Variants in TMEM120B observed in about 807,000 individuals in gnomAD.
The protein encoded by TMEM120B is transmembrane protein 120B.
Under a neutral mutation model 55.5 loss-of-function variants are expected in TMEM120B, and 31 were observed. The ratio of observed to expected loss-of-function variants is 0.56; its 90% CI spans 0.42 to 0.75. TMEM120B has a LOEUF of 0.75. Ranked by LOEUF, TMEM120B falls within the 30% of genes least tolerant of loss-of-function variation. TMEM120B has a pLI of 0.00. For missense variants in TMEM120B, 399 were observed against 425.5 expected (o/e 0.94, Z 0.55); for synonymous variants, 203 against 176.3 (o/e 1.15, Z -1.20).
chr12:121,718,717 T>C (rs1894744583), intron 1 of TMEM120B, among the ~76,000 whole-genome samples: 1 of 152,168 alleles, frequency 6.6e-6, no homozygotes, highest in Non-Finnish European at 1.5e-5. Context: ...GGGTCCCTTT[T>C]CATTTATATA....
Position 121,781,105 on chromosome 12 carries a change from C to T in TMEM120B, c.*5383C>T, listed in dbSNP as rs1288763917. On this transcript the variant is annotated 3_prime_UTR_variant, in exon 12 of 12. Coordinates refer to ENST00000449592, the MANE Select transcript of TMEM120B (RefSeq NM_001080825.2). ...CACCTTGATGAGGACGTTGTCGTAG[C>T]TGGTGGGATTCATGACGTCATAGCA... 6.2e-7 allele frequency: 1 copy of T among 1,614,230 alleles called. No individual in the cohort carries two copies.
Position 121,779,672 on chromosome 12 carries a change from G to T in TMEM120B, c.*3950G>T, listed in dbSNP as rs1450488776. On this transcript the variant is annotated 3_prime_UTR_variant, in exon 12 of 12. Coordinates refer to ENST00000449592, the MANE Select transcript of TMEM120B (RefSeq NM_001080825.2). ...CGCAGGCGCTCAGGCCCTGGGTGGG[G>T]GGAGGAGCCAGCATTAGGTGAGGGG... is the stretch of plus-strand genomic sequence containing the variant. 3.7e-6 allele frequency: 6 copies of T among 1,613,368 alleles called. No homozygotes were observed. Among genetic ancestry groups the T allele is most frequent in the Non-Finnish European group, 5.1e-6 (6 of 1,179,718 alleles).
intron 1 of TMEM120B, among the ~76,000 whole-genome samples, chr12:121,736,507 G>A (rs1272180407): frequency 6.6e-6 from 1 of 151,168 alleles, no homozygotes; most frequent in Non-Finnish European, 1.5e-5. Context: ...GCCTGCCTTG[G>A]CCTCCCAAAG....
chr12:121,755,009 CTG>C (rs1873438953), intron 5 of TMEM120B, among the ~76,000 whole-genome samples: 1 of 152,206 alleles, frequency 6.6e-6, no homozygotes, highest in Non-Finnish European at 1.5e-5. Context: ...GCAGGAGAAG[CTG>C]TGTCTGGAGA....
intron 1 of TMEM120B, among the ~76,000 whole-genome samples, chr12:121,715,875 C>T (rs1894691118): frequency 6.6e-6 from 1 of 151,694 alleles, no homozygotes; most frequent in Non-Finnish European, 1.5e-5. Flanking sequence ...CCCCTCTCTG[C>T]CTTCTCACGT....
chr12:121,774,728 TC>T lies in TMEM120B; in HGVS notation c.837+11del. ...CCTTCCTCTTCTGTGGCCATGTGAG[TC>T]CCCCTGGAGTTTGTGGGTATCTCCT... is the stretch of plus-strand genomic sequence containing the variant. On this transcript the variant is annotated splice_region_variant and intron_variant, in intron 10 of 11. Coordinates refer to ENST00000449592, the MANE Select transcript of TMEM120B (RefSeq NM_001080825.2). 2 of 1,613,546 alleles carry T rather than the reference TC, an allele frequency of 1.2e-6. No homozygotes were observed. Among genetic ancestry groups the T allele is most frequent in the South Asian group, 1.1e-5 (1 of 90,982 alleles).
chr12:121,776,028 C>T lies in TMEM120B; in HGVS notation c.*306C>T, dbSNP rs956185470. The T allele has an allele frequency of 1.0e-5, 6 of 585,450 alleles. No homozygotes were observed. The highest frequency in any genetic ancestry group is 4.1e-4 in the Middle Eastern group (1 of 2,434). 36.3% of individuals were successfully genotyped at this position (585,450 alleles called of 1,614,324 possible). A position where few individuals can be genotyped will look rare whatever the true frequency, so the allele number is the denominator to read the frequency against. On this transcript the variant is annotated 3_prime_UTR_variant, in exon 12 of 12. Transcript: ENST00000449592. ...GATGGGGCCTGAAGCCTCAGGGAGCCCCTCTGTTCCCACTCCTGTCATTTG... is the reference window on the plus strand; with the variant it reads ...GATGGGGCCTGAAGCCTCAGGGAGCTCCTCTGTTCCCACTCCTGTCATTTG...
intron 1 of TMEM120B, among the ~76,000 whole-genome samples, chr12:121,715,437 G>T (rs1894682472): frequency 6.6e-6 from 1 of 152,202 alleles, no homozygotes; most frequent in African/African-American, 2.4e-5. Flanking sequence ...GGTTGCAAAG[G>T]AGTTGTTTGA....
At chr12:121,740,827 T>C (rs772676516) in intron 1 of TMEM120B, among the ~76,000 whole-genome samples, 3 of 152,200 alleles carry the variant, frequency 2.0e-5, no homozygotes, top group Non-Finnish European at 4.4e-5. Flanking sequence ...AAGAGGTGTG[T>C]TGCCTGCAAC....
In TMEM120B at chr12:121,775,001, G is replaced by C. The variant is rs534953628; in HGVS notation, c.838-61G>C. ...GGTGAGGGGCCTGGCCATCACCCTGGCTTTCTACGTGGCCGGCCAGGGGAG... is the reference window on the plus strand; with the variant it reads ...GGTGAGGGGCCTGGCCATCACCCTGCCTTTCTACGTGGCCGGCCAGGGGAG... On this transcript the variant is annotated intron_variant, in intron 10 of 11. Coordinates refer to ENST00000449592, the MANE Select transcript of TMEM120B (RefSeq NM_001080825.2). The surrounding 1 kb of genome is among the most constrained non-coding windows in gnomAD (Gnocchi z 4.3). 6.3e-7 allele frequency: 1 copy of C among 1,590,628 alleles called. No individual in the cohort carries two copies. The highest frequency in any genetic ancestry group is 1.7e-5 in the Admixed American group (1 of 59,192).
At position 121,748,334 on chromosome 12, in the gene TMEM120B, G is replaced by A. The variant is rs181072178; in HGVS notation, c.197G>A (p.Arg66His). 9,187 of 1,610,010 alleles carry A rather than the reference G, an allele frequency of 5.7e-3. 30 individuals carry two copies. Among genetic ancestry groups the A allele is most frequent in the Non-Finnish European group, 6.6e-3 (7,830 of 1,177,930 alleles). The change falls in exon 3 of 12, where the codon CGC becomes CAC. Residue 66 changes from arginine to histidine, a missense_variant. Coordinates refer to ENST00000449592, the MANE Select transcript of TMEM120B (RefSeq NM_001080825.2). Reference sequence around the variant, plus strand: ...TGCATCTCTGTCCGCAGGTGCAAACGCCATGCCAGTCGGGAGGAGGCGGAG... The same window carrying A: ...TGCATCTCTGTCCGCAGGTGCAAACACCATGCCAGTCGGGAGGAGGCGGAG... ...DLKLTLQRCK[R>H]HASREEAELV...
chr12:121,761,060 C>A (rs1370130793), intron 5 of TMEM120B, among the ~76,000 whole-genome samples: 1 of 152,020 alleles, frequency 6.6e-6, no homozygotes, highest in African/African-American at 2.4e-5. Context: ...CTCACTGCAA[C>A]CTCCACCTCC....
chr12:121,748,486 C>G, intron 3 of TMEM120B, 44 bp downstream of exon 3: 1 of 1,351,120 alleles, frequency 7.4e-7, no homozygotes, highest in East Asian at 2.3e-5. Context: ...GGCCCATGCC[C>G]AGGCCTAGCA....
intron 4 of TMEM120B, among the ~76,000 whole-genome samples, chr12:121,751,407 C>T (rs1282918253): frequency 1.5e-5 from 2 of 131,172 alleles, no homozygotes; most frequent in Non-Finnish European, 3.2e-5. Context: ...ACCCCACTCT[C>T]ACCCCACACC....
intron 9 of TMEM120B, 42 bp from the exon 10 acceptor site, chr12:121,774,616 G>A (rs199956806): frequency 8.8e-6 from 14 of 1,594,048 alleles, no homozygotes; most frequent in South Asian, 4.4e-5. Flanking sequence ...TGGGGGCAGC[G>A]GACCCCCTCA....
At chr12:121,746,475 C>G (rs2137150755) in intron 2 of TMEM120B, among the ~76,000 whole-genome samples, 1 of 152,248 alleles carries the variant, frequency 6.6e-6, no homozygotes, top group East Asian at 1.9e-4. Context: ...GCTTGAGCCA[C>G]TGCACCCGGC....
chr12:121,768,217 C>T (rs1428476604), intron 6 of TMEM120B, among the ~76,000 whole-genome samples: 2 of 152,336 alleles, frequency 1.3e-5, no homozygotes, highest in African/African-American at 4.8e-5. Flanking sequence ...GCAACAATCT[C>T]CTGTCACCTC....
At chr12:121,731,121 G>C (rs1490918709) in intron 1 of TMEM120B, among the ~76,000 whole-genome samples, 3 of 152,164 alleles carry the variant, frequency 2.0e-5, no homozygotes, top group African/African-American at 7.2e-5. Flanking sequence ...GTTTGGCATG[G>C]TGAAGTTCTG....
chr12:121,736,554 T>G (rs1895120272), intron 1 of TMEM120B, among the ~76,000 whole-genome samples: 1 of 151,078 alleles, frequency 6.6e-6, no homozygotes, highest in Admixed American at 6.6e-5. Flanking sequence ...ATGCCCGGCC[T>G]TCTTTTTCTT....
Sources: allele counts gnomAD v4.1 joint callset (sites outside exome capture counted in the v4.1 genomes callset), GRCh38; gene constraint gnomAD v4.1.1; non-coding constraint Gnocchi (gnomAD v3.1); transcripts MANE v1.5; gene names NCBI Gene and HGNC (gene_info 2026-07-23, HGNC 2026-07-21).